The following LIMCH1 variants were observed in gnomAD, a reference collection of about 807,000 sequenced individuals.
The protein encoded by LIMCH1 is LIM and calponin homology domains 1.
Under a neutral mutation model 176.5 loss-of-function variants are expected in LIMCH1, and 113 were observed. The ratio of observed to expected loss-of-function variants is 0.64; its 90% confidence interval spans 0.55 to 0.75. The LOEUF (loss-of-function observed/expected upper bound fraction) is 0.75, where lower values mean the gene tolerates loss of function less well. LIMCH1 is among the 30% of genes least tolerant of loss of function. LIMCH1 has a pLI of 0.00. For synonymous variants in LIMCH1, 619 were observed against 645.9 expected (o/e 0.96, Z 0.63); for missense variants, 1,674 against 1,814.9 (o/e 0.92, Z 1.41).
At chr4:41,600,246 G>T (rs1349535117) in intron 2 of LIMCH1, among the ~76,000 whole-genome samples, 1 of 152,094 alleles carries the variant, frequency 6.6e-6, no homozygotes, top group Non-Finnish European at 1.5e-5. Context: ...TATGGAAACC[G>T]CACTAAACCT....
intron 1 of LIMCH1, among the ~76,000 whole-genome samples, chr4:41,377,142 C>T (rs563109499): frequency 6.6e-6 from 1 of 152,140 alleles, no homozygotes; most frequent in Admixed American, 6.5e-5. Context: ...TTTTCTTGCT[C>T]ACGGGTTGAA....
intron 2 of LIMCH1, among the ~76,000 whole-genome samples, chr4:41,512,388 G>C (rs1480813636): frequency 6.6e-6 from 1 of 152,140 alleles, no homozygotes; most frequent in Non-Finnish European, 1.5e-5. Flanking sequence ...TGACCCAGCT[G>C]TTATACTCCT....
chr4:41,401,824 C>T (rs892776441), intron 1 of LIMCH1, among the ~76,000 whole-genome samples: 2 of 152,110 alleles, frequency 1.3e-5, no homozygotes, highest in African/African-American at 4.8e-5. Flanking sequence ...CATGATTTGG[C>T]TCTCTGTTTG....
intron 1 of LIMCH1, among the ~76,000 whole-genome samples, chr4:41,571,138 AGAG>A (rs2083486629): frequency 6.6e-6 from 1 of 152,112 alleles, no homozygotes; most frequent in Non-Finnish European, 1.5e-5. Context: ...CTGAGAAAGA[AGAG>A]GAGAGAATGT....
intron 30 of LIMCH1, among the ~76,000 whole-genome samples, chr4:41,692,042 C>G (rs1412997799): frequency 6.6e-6 from 1 of 152,196 alleles, no homozygotes; most frequent in Non-Finnish European, 1.5e-5. Context: ...AACAAGCCAA[C>G]AAACCTCACT....
chr4:41,399,057 G>A (rs972369395), intron 1 of LIMCH1, among the ~76,000 whole-genome samples: 5 of 152,288 alleles, frequency 3.3e-5, no homozygotes, highest in Non-Finnish European at 4.4e-5. Flanking sequence ...CACCATGTGA[G>A]GTGTTATTTA....
At chr4:41,583,814 A>G (rs2085966651) in intron 1 of LIMCH1, among the ~76,000 whole-genome samples, 1 of 151,394 alleles carries the variant, frequency 6.6e-6, no homozygotes, top group Admixed American at 6.6e-5. Flanking sequence ...TTCGTACCCT[A>G]CATATCTCTT....
intron 1 of LIMCH1, among the ~76,000 whole-genome samples, chr4:41,385,615 A>G (rs1353611364): frequency 2.0e-5 from 3 of 152,210 alleles, no homozygotes; most frequent in Non-Finnish European, 2.9e-5. Context: ...ATGGCAACTC[A>G]GTAGAATGCC....
At chr4:41,394,094 G>A (rs2154112965) in intron 1 of LIMCH1, among the ~76,000 whole-genome samples, 1 of 152,262 alleles carries the variant, frequency 6.6e-6, no homozygotes, top group South Asian at 2.1e-4. Flanking sequence ...CTTACTTTAT[G>A]TAGTTTTAAA....
chr4:41,439,431 A>G (rs1193476795), intron 1 of LIMCH1, among the ~76,000 whole-genome samples: 2 of 151,820 alleles, frequency 1.3e-5, no homozygotes, highest in African/African-American at 4.8e-5. Flanking sequence ...TATAAAAAAT[A>G]CAGGAATTAG....
At chr4:41,688,790 A>G (rs563460533) in intron 29 of LIMCH1, 3 of 152,534 alleles carry the variant, frequency 2.0e-5, no homozygotes, top group Non-Finnish European at 2.9e-5. Flanking sequence ...TGGGCACTGT[A>G]CTGGGTGCTG....
intron 3 of LIMCH1, 68 bp from the exon 4 acceptor site, chr4:41,605,826 T>G: frequency 1.1e-6 from 1 of 931,476 alleles, no homozygotes; most frequent in Non-Finnish European, 1.7e-6. Context: ...TAGTGGTACA[T>G]TATTGACTCC....
At chr4:41,368,226 C>T (rs985854092) in intron 1 of LIMCH1, among the ~76,000 whole-genome samples, 3 of 152,144 alleles carry the variant, frequency 2.0e-5, no homozygotes, top group Non-Finnish European at 2.9e-5. Flanking sequence ...AAGTTTGCTT[C>T]AGTATAAACA....
At chr4:41,529,894 T>C (rs562617513) in intron 3 of LIMCH1, among the ~76,000 whole-genome samples, 3 of 152,292 alleles carry the variant, frequency 2.0e-5, no homozygotes, top group African/African-American at 7.2e-5. Flanking sequence ...GAAGCAGGAA[T>C]GTGACTGGTC....
At chr4:41,535,872 T>TC (rs1056805919), upstream of LIMCH1, among the ~76,000 whole-genome samples, 2 of 152,122 alleles carry the variant, frequency 1.3e-5, no homozygotes, top group Non-Finnish European at 2.9e-5. Context: ...AGCTTTTTTT[T>TC]CCCCAACTTC....
chr4:41,610,697 G>A (rs955653616), intron 4 of LIMCH1, among the ~76,000 whole-genome samples: 6 of 152,184 alleles, frequency 3.9e-5, no homozygotes, highest in Non-Finnish European at 8.8e-5. Flanking sequence ...GAGGTCTGGA[G>A]AAATGAAATA....
At chr4:41,497,914 G>A (rs7689372) in intron 2 of LIMCH1, among the ~76,000 whole-genome samples, 54,151 of 152,040 alleles carry the variant, frequency 0.36, 11,430 homozygotes, top group African/African-American at 0.59. Flanking sequence ...AAAGAGATTG[G>A]CAGGTGGAGA....
chr4:41,469,438 C>G (rs995449815), intron 1 of LIMCH1, among the ~76,000 whole-genome samples: 1 of 151,792 alleles, frequency 6.6e-6, no homozygotes, highest in East Asian at 1.9e-4. Flanking sequence ...ATCAATGACT[C>G]CCCTGTACTT....
intron 1 of LIMCH1, among the ~76,000 whole-genome samples, chr4:41,593,547 T>C (rs574977012): frequency 6.6e-6 from 1 of 152,310 alleles, no homozygotes; most frequent in East Asian, 1.9e-4. Flanking sequence ...GTTGAATATA[T>C]CTTTTAGAAA....
Sources: allele counts gnomAD v4.1 joint callset (sites outside exome capture counted in the v4.1 genomes callset), GRCh38; gene constraint gnomAD v4.1.1; transcripts MANE v1.5; gene names NCBI Gene and HGNC (gene_info 2026-07-23, HGNC 2026-07-21).